Variants in KAZN observed in about 807,000 individuals in gnomAD.
The protein encoded by KAZN is kazrin.
A neutral mutation model predicts 87.4 loss-of-function variants in KAZN; 40 were observed. That is an observed-to-expected ratio of 0.46 (90% CI 0.36 to 0.60). KAZN has a LOEUF of 0.60. Ranked by LOEUF, KAZN falls within the 20% of genes least tolerant of loss-of-function variation. The pLI, the probability that KAZN is intolerant of heterozygous loss-of-function variation, is 0.00. For synonymous variants in KAZN, 466 were observed against 458.3 expected (o/e 1.02, Z -0.22); for missense variants, 898 against 1,073.9 (o/e 0.84, Z 2.29).
chr1:14,686,758 A>G (rs1640978425), intron 1 of KAZN, among the ~76,000 whole-genome samples: 2 of 152,222 alleles, frequency 1.3e-5, no homozygotes, highest in African/African-American at 4.8e-5. Context: ...TACGACAGCC[A>G]CAGGAATCAA....
chr1:14,222,398 A>G (rs948602145), intron 2 of KAZN, among the ~76,000 whole-genome samples: 6 of 152,212 alleles, frequency 3.9e-5, no homozygotes, highest in African/African-American at 1.4e-4. Context: ...AACCATTTAA[A>G]TGCTGGCAAT....
chr1:14,686,058 C>T (rs1286388372), intron 1 of KAZN, among the ~76,000 whole-genome samples: 1 of 152,124 alleles, frequency 6.6e-6, no homozygotes, highest in Non-Finnish European at 1.5e-5. Context: ...CAGCCTCAGT[C>T]TGCCACTCTT....
At chr1:14,007,321 C>A (rs1353446472) in intron 1 of KAZN, among the ~76,000 whole-genome samples, 1 of 152,090 alleles carries the variant, frequency 6.6e-6, no homozygotes, top group Non-Finnish European at 1.5e-5. Flanking sequence ...GATTTGGATG[C>A]CTTTTATTTC....
intron 1 of KAZN, among the ~76,000 whole-genome samples, chr1:14,754,293 A>G (rs1644497042): frequency 6.6e-6 from 1 of 152,212 alleles, no homozygotes; most frequent in African/African-American, 2.4e-5. Context: ...ATAATCAGAT[A>G]TAAAACACAG....
intron 2 of KAZN, among the ~76,000 whole-genome samples, chr1:14,296,097 A>G (rs1327931837): frequency 6.6e-6 from 1 of 152,206 alleles, no homozygotes; most frequent in Non-Finnish European, 1.5e-5. Context: ...GACAGCACTG[A>G]AAGTAGTGCC....
chr1:15,076,351 A>G (rs1304567821), intron 8 of KAZN, among the ~76,000 whole-genome samples: 1 of 152,204 alleles, frequency 6.6e-6, no homozygotes, highest in Non-Finnish European at 1.5e-5. Context: ...TCGGCCTCCT[A>G]CAGGGAGGGG....
At chr1:14,551,369 G>C (rs1673508030) in intron 2 of KAZN, among the ~76,000 whole-genome samples, 1 of 152,190 alleles carries the variant, frequency 6.6e-6, no homozygotes, top group African/African-American at 2.4e-5. Flanking sequence ...CAGCTCTCTA[G>C]AATGGGAAGA....
chr1:14,408,476 A>G (rs896573651), intron 2 of KAZN, among the ~76,000 whole-genome samples: 2 of 152,200 alleles, frequency 1.3e-5, no homozygotes, highest in Admixed American at 1.3e-4. Context: ...GGTTTAAACA[A>G]CAGACATTTA....
In KAZN at chr1:14,598,996, G is replaced by A; in HGVS notation, c.-2G>A. 6 of 1,570,214 alleles carry A rather than the reference G, an allele frequency of 3.8e-6. No homozygotes were observed. Among genetic ancestry groups the A allele is most frequent in the Non-Finnish European group, 5.2e-6 (6 of 1,161,760 alleles). ...TCTCGCCCCCAGGCCAAAATCCTGA[G>A]CATGATGGAAGACAATAAGCAGCTC... On this transcript the variant is annotated 5_prime_UTR_variant, in exon 1 of 15. Transcript: ENST00000376030. This position sits in a 1 kb window ranked among gnomAD's most constrained non-coding sequence, Gnocchi z 4.2.
chr1:14,164,256 C>T (rs912908214), intron 1 of KAZN, among the ~76,000 whole-genome samples: 2 of 152,162 alleles, frequency 1.3e-5, no homozygotes, highest in Non-Finnish European at 2.9e-5. Flanking sequence ...GTCAAGTTGT[C>T]ACCCTGGGCA....
intron 1 of KAZN, among the ~76,000 whole-genome samples, chr1:14,690,595 T>G (rs1259111793): frequency 6.6e-6 from 1 of 151,858 alleles, no homozygotes; most frequent in Non-Finnish European, 1.5e-5. Flanking sequence ...AAGAGGAAGA[T>G]CACATTCTGC....
intron 2 of KAZN, among the ~76,000 whole-genome samples, chr1:14,984,776 C>A (rs1666603113): frequency 6.6e-6 from 1 of 152,086 alleles, no homozygotes; most frequent in South Asian, 2.1e-4. Flanking sequence ...GTCCAAAAGA[C>A]CCAGGCACTG....
Position 15,041,331 on chromosome 1 carries a change from CTT to C in KAZN, c.556-2644_556-2643del, listed in dbSNP as rs71000360. ...GTATTCTACTCTCCGCATTTTTTTT[CTT>C]TTTTTTTTTTTTTGTTTTTTTGAGA... On this transcript the variant is annotated intron_variant, in intron 3 of 14. Transcript: ENST00000376030. Among the ~76,000 whole-genome samples the C allele has an allele frequency of 5.8e-3, 661 of 114,152 alleles. 8 individuals carry two copies. The highest frequency in any genetic ancestry group is 0.027 in the Middle Eastern group (5 of 188). The allele number at this position is 114,152 out of a possible 152,430, so 74.9% of individuals were successfully genotyped here.
chr1:14,769,866 T>G lies in KAZN; in HGVS notation c.226+170643T>G, dbSNP rs1644976853. On this transcript the variant is annotated intron_variant, in intron 1 of 14. Transcript: ENST00000376030. This position sits in a 1 kb window ranked among gnomAD's most constrained non-coding sequence, Gnocchi z 4.1. ...AGATGTTGACGAAGTAACTGAGTATTCTGGGTTTGGGACCGGGCTATAGGA... is the reference window on the plus strand; with the variant it reads ...AGATGTTGACGAAGTAACTGAGTATGCTGGGTTTGGGACCGGGCTATAGGA... Among the ~76,000 whole-genome samples, 3 of 152,226 alleles carry G rather than the reference T, an allele frequency of 2.0e-5. 1 individual carries two copies. The South Asian group carries it at 6.2e-4, about 31-fold the overall frequency.
At chr1:14,208,261 A>G (rs1288192250) in intron 2 of KAZN, among the ~76,000 whole-genome samples, 1 of 152,236 alleles carries the variant, frequency 6.6e-6, no homozygotes, top group Non-Finnish European at 1.5e-5. Context: ...CTGTGTTTAG[A>G]AATCAAGTTA....
chr1:14,076,558 G>A (rs1318867332), intron 1 of KAZN, among the ~76,000 whole-genome samples: 2 of 152,160 alleles, frequency 1.3e-5, no homozygotes, highest in Admixed American at 6.5e-5. Flanking sequence ...GTGGTACTTG[G>A]TTAGGAGAAC....
intron 1 of KAZN, among the ~76,000 whole-genome samples, chr1:14,855,744 A>G (rs1650024024): frequency 2.6e-5 from 4 of 152,224 alleles, no homozygotes. Flanking sequence ...TACAAGTGGA[A>G]ATACCGAAGC....
Position 14,724,115 on chromosome 1 carries a change from C to T in KAZN, c.226+124892C>T, listed in dbSNP as rs117083798. On this transcript the variant is annotated intron_variant, in intron 1 of 14. Coordinates refer to ENST00000376030, the MANE Select transcript of KAZN (RefSeq NM_201628.3). ...CCACAAACAAAGAAAGCACACAGGG[C>T]AAGATGCTACCAGTGATTAATTCCG... is the stretch of plus-strand genomic sequence containing the variant. Among the ~76,000 whole-genome samples, 635 of 152,234 alleles carry T rather than the reference C, an allele frequency of 4.2e-3. 20 individuals are homozygous for T. The East Asian group carries it at 0.061, about 15-fold the overall frequency.
At position 14,849,762 on chromosome 1, in the gene KAZN, C is replaced by T. The variant is rs115415503; in HGVS notation, c.227-110922C>T. ...GACCATTTTCATCAAAATTAAAAAT[C>T]GAATCCAGACTGCTGCCTTTATCAT... On this transcript the variant is annotated intron_variant, in intron 1 of 14. Coordinates refer to ENST00000376030, the MANE Select transcript of KAZN (RefSeq NM_201628.3). Among the ~76,000 whole-genome samples the T allele has an allele frequency of 3.2e-3, 487 of 152,236 alleles. 4 individuals are homozygous for T. The highest frequency in any genetic ancestry group is 0.011 in the African/African-American group (460 of 41,556).
Sources: gnomAD v4.1 joint callset for allele counts (sites outside exome capture counted in the v4.1 genomes callset) on GRCh38, gnomAD v4.1.1 for gene constraint, Gnocchi (gnomAD v3.1) non-coding constraint, MANE v1.5 for transcripts, NCBI Gene and HGNC (gene_info 2026-07-23, HGNC 2026-07-21) for gene names.